GMDS: variants seen among roughly 807,000 people sequenced by gnomAD.
GMDS encodes the protein GDP-mannose 4,6 dehydratase.
In GMDS, 20 loss-of-function variants were observed where a neutral mutation model predicts 49.9. That is an observed-to-expected ratio of 0.40 (90% CI 0.28 to 0.58). The LOEUF (loss-of-function observed/expected upper bound fraction) is 0.58. Ranked by LOEUF, GMDS falls within the 20% of genes least tolerant of loss-of-function variation. The pLI is 0.42. For missense variants in GMDS, 362 were observed against 481.4 expected, an observed-to-expected ratio of 0.75 and a Z score of 2.32; for synonymous variants, 177 against 178.6, an observed-to-expected ratio of 0.99 and a Z score of 0.07.
chr6:1,869,908 A>C (rs1444099180), intron 7 of GMDS, among the ~76,000 whole-genome samples: 4 of 152,144 alleles, frequency 2.6e-5, no homozygotes, highest in Admixed American at 1.3e-4. Context: ...TGGACAGGAG[A>C]GGGCAGCCAA....
At position 2,176,087 on chromosome 6, in the gene GMDS, A is replaced by C. The variant is rs145540633; in HGVS notation, c.103-51356T>G. On this transcript the variant is annotated intron_variant, in intron 1 of 10. Coordinates refer to ENST00000380815, the MANE Select transcript of GMDS (RefSeq NM_001500.4). Reference sequence around the variant, plus strand: ...GACTACAGCTAAATGCACACTGACAACATGTAATTCTGGTGTCCAGCCCCC... The same window carrying C: ...GACTACAGCTAAATGCACACTGACACCATGTAATTCTGGTGTCCAGCCCCC... The C allele has an allele frequency of 2.8e-5, 28 of 998,432 alleles. No individual in the cohort carries two copies. In the African/African-American group the frequency reaches 4.3e-4, roughly 15 times the overall value. The allele number at this position is 998,432 out of a possible 1,614,324, so 61.8% of individuals were successfully genotyped here.
At chr6:1,956,741 T>C (rs982160988) in intron 6 of GMDS, among the ~76,000 whole-genome samples, 1 of 152,114 alleles carries the variant, frequency 6.6e-6, no homozygotes, top group Non-Finnish European at 1.5e-5. Context: ...TTTACAAAGA[T>C]TATTAACAAA....
chr6:2,150,644 G>A (rs537321067), intron 1 of GMDS, among the ~76,000 whole-genome samples: 1 of 152,194 alleles, frequency 6.6e-6, no homozygotes, highest in South Asian at 2.1e-4. Flanking sequence ...CCACCTATAA[G>A]AAGCAATTAT....
chr6:2,187,888 G>A (rs1778849157), intron 1 of GMDS, among the ~76,000 whole-genome samples: 2 of 152,266 alleles, frequency 1.3e-5, no homozygotes, highest in Middle Eastern at 3.4e-3. Flanking sequence ...CACCACTCTC[G>A]TTTCAGAATC....
chr6:2,068,422 T>C lies in GMDS; in HGVS notation c.345+47349A>G, dbSNP rs549049718. Reference sequence around the variant, plus strand: ...TGTTGGAAGTTCTGACCAGGGCAATTAGGCAGGAGAAGGAAATAAAGGGTA... The same window carrying C: ...TGTTGGAAGTTCTGACCAGGGCAATCAGGCAGGAGAAGGAAATAAAGGGTA... On this transcript the variant is annotated intron_variant, in intron 4 of 10. Transcript: ENST00000380815. 4.4e-4 allele frequency among the ~76,000 whole-genome samples: 67 copies of C among 152,108 alleles called. No individual in the cohort carries two copies. In the East Asian group the frequency reaches 9.9e-3, roughly 22 times the overall value.
intron 3 of GMDS, among the ~76,000 whole-genome samples, chr6:2,116,945 A>G (rs1774880633): frequency 6.6e-6 from 1 of 152,212 alleles, no homozygotes; most frequent in South Asian, 2.1e-4. Flanking sequence ...TGCTTGTGCT[A>G]TATAAACTGT....
chr6:1,683,419 G>A (rs1224892371), intron 9 of GMDS, among the ~76,000 whole-genome samples: 4 of 152,234 alleles, frequency 2.6e-5, no homozygotes, highest in Non-Finnish European at 5.9e-5. Flanking sequence ...CACCGCGCGC[G>A]GCCTGGATGG....
At chr6:1,810,638 C>A (rs985439103) in intron 7 of GMDS, among the ~76,000 whole-genome samples, 2 of 151,982 alleles carry the variant, frequency 1.3e-5, no homozygotes, top group Non-Finnish European at 2.9e-5. Context: ...GCGTGAAGAG[C>A]CTGATCTGCC....
intron 7 of GMDS, among the ~76,000 whole-genome samples, chr6:1,758,636 T>C (rs1245856249): frequency 5.3e-5 from 8 of 152,196 alleles, no homozygotes; most frequent in African/African-American, 9.6e-5. Context: ...TCAATAGGCC[T>C]GGGTGGAGCT....
rs1382746725 is a variant in GMDS, at chr6:1,767,709, A to T, written c.772-25123T>A. ...CTTTCCAATTTCTCAGGAATGTTTA[A>T]TTCTCCTCATCCCTTCACTGAATCT... is the stretch of plus-strand genomic sequence containing the variant. On this transcript the variant is annotated intron_variant, in intron 7 of 10. Coordinates refer to ENST00000380815, the MANE Select transcript of GMDS (RefSeq NM_001500.4). Among the ~76,000 whole-genome samples the T allele has an allele frequency of 3.3e-5, 5 of 152,160 alleles. No individual in the cohort carries two copies. In the East Asian group the frequency reaches 9.6e-4, roughly 29 times the overall value.
intron 1 of GMDS, among the ~76,000 whole-genome samples, chr6:2,166,289 T>C (rs558784268): frequency 2.0e-5 from 3 of 152,254 alleles, no homozygotes; most frequent in African/African-American, 7.2e-5. Flanking sequence ...CTGACACAAA[T>C]TCTGAGGGAA....
In GMDS at chr6:1,729,449, T is replaced by A. The variant is rs553161507; in HGVS notation, c.891-2937A>T. On this transcript the variant is annotated intron_variant, in intron 8 of 10. Coordinates refer to ENST00000380815, the MANE Select transcript of GMDS (RefSeq NM_001500.4). Reference sequence around the variant, plus strand: ...GCCCTCTACAATTAATATAGCTACATTGAATGAGCAAATGTAATCAGGAAA... The same window carrying A: ...GCCCTCTACAATTAATATAGCTACAATGAATGAGCAAATGTAATCAGGAAA... Among the ~76,000 whole-genome samples the A allele has an allele frequency of 6.2e-4, 94 of 152,310 alleles. 1 individual carries two copies. Among genetic ancestry groups the A allele is most frequent in the African/African-American group, 2.2e-3 (93 of 41,570 alleles).
chr6:1,915,098 A>G (rs1264205052), intron 7 of GMDS, among the ~76,000 whole-genome samples: 2 of 152,214 alleles, frequency 1.3e-5, no homozygotes, highest in Admixed American at 6.5e-5. Context: ...CATCCACTGT[A>G]TCTGCAGAGA....
At chr6:1,873,645 C>A (rs1353499717) in intron 7 of GMDS, among the ~76,000 whole-genome samples, 1 of 152,098 alleles carries the variant, frequency 6.6e-6, no homozygotes, top group African/African-American at 2.4e-5. Context: ...GAAGATTTTG[C>A]TATGTAAAAA....
intron 1 of GMDS, among the ~76,000 whole-genome samples, chr6:2,242,287 A>G (rs1011408924): frequency 3.3e-5 from 5 of 152,236 alleles, no homozygotes; most frequent in African/African-American, 1.2e-4. Context: ...GAACAGCATC[A>G]TTAGCCAATG....
intron 10 of GMDS, 30 bp downstream of exon 10, chr6:1,624,442 C>T (rs376798772): frequency 3.2e-6 from 5 of 1,585,114 alleles, no homozygotes; most frequent in East Asian, 4.5e-5. Flanking sequence ...GGCCCCGCAG[C>T]GGGCGGCGTG....
chr6:1,693,089 G>A (rs1581466719), intron 9 of GMDS, among the ~76,000 whole-genome samples: 1 of 152,214 alleles, frequency 6.6e-6, no homozygotes, highest in African/African-American at 2.4e-5. Flanking sequence ...CAGGTCTGGA[G>A]CAGCCAGTGC....
chr6:1,844,226 C>G (rs1399963177), intron 7 of GMDS, among the ~76,000 whole-genome samples: 1 of 151,948 alleles, frequency 6.6e-6, no homozygotes, highest in Non-Finnish European at 1.5e-5. Context: ...TCTCTAAACC[C>G]TGTATTTTTC....
chr6:1,877,666 AAGAC>A, intron 7 of GMDS, among the ~76,000 whole-genome samples: 1 of 150,406 alleles, frequency 6.6e-6, no homozygotes, highest in African/African-American at 2.4e-5. Flanking sequence ...AAAAAAAAAA[AAGAC>A]AGGTCCAATA....
Sources: gnomAD v4.1 joint callset for allele counts (sites outside exome capture counted in the v4.1 genomes callset) on GRCh38, gnomAD v4.1.1 for gene constraint, MANE v1.5 for transcripts, NCBI Gene and HGNC (gene_info 2026-07-23, HGNC 2026-07-21) for gene names.